XIRP2: variants seen among roughly 807,000 people sequenced by gnomAD.
XIRP2 encodes the protein xin actin-binding repeat-containing protein 2.
Under a neutral mutation model 277.0 loss-of-function variants are expected in XIRP2, and 236 were observed. The observed-to-expected ratio is 0.85, with a 90% confidence interval of 0.77 to 0.95. The LOEUF is 0.95. Ranked by LOEUF, XIRP2 falls within the 40% of genes least tolerant of loss-of-function variation. The pLI is 0.00. For synonymous variants in XIRP2, 1,490 were observed against 1,416.5 expected (o/e 1.05, Z -1.17); for missense variants, 4,640 against 4,157.5 (o/e 1.12, Z -3.19).
intron 5 of XIRP2, among the ~76,000 whole-genome samples, chr2:167,225,615 T>C (rs1694574184): frequency 6.6e-6 from 1 of 152,128 alleles, no homozygotes; most frequent in African/African-American, 2.4e-5. Flanking sequence ...GGCCAGCAAA[T>C]ACTCATGAAC....
At chr2:166,996,889 G>A (rs565754645) in intron 2 of XIRP2, among the ~76,000 whole-genome samples, 1 of 152,050 alleles carries the variant, frequency 6.6e-6, no homozygotes. Flanking sequence ...AACCTAACCT[G>A]CTCTCATTCC....
chr2:167,254,213 C>G, intron 10 of XIRP2, 48 bp downstream of exon 10: 1 of 1,574,648 alleles, frequency 6.4e-7, no homozygotes, highest in Non-Finnish European at 8.6e-7. Context: ...GAGCTGCACT[C>G]TATGTATAGC....
chr2:167,022,936 G>A (rs1688027252), intron 2 of XIRP2, among the ~76,000 whole-genome samples: 1 of 152,086 alleles, frequency 6.6e-6, no homozygotes, highest in African/African-American at 2.4e-5. Flanking sequence ...TGTCTTTATA[G>A]CAGCATGATT....
rs199864325 is a variant in XIRP2, at chr2:167,248,939, C to A, written c.7547C>A (p.Ala2516Glu). 1.9e-6 allele frequency: 3 copies of A among 1,613,686 alleles called. No individual in the cohort carries two copies. Among genetic ancestry groups the A allele is most frequent in the Admixed American group, 1.7e-5 (1 of 59,966 alleles). Residue 2516 changes from alanine to glutamate, a missense_variant, in exon 9 of 11, where the codon GCG (alanine) becomes GAG (glutamate). Physicochemically the swap from Ala to Glu is moderately radical, Grantham distance 107 (BLOSUM62 -1). Coordinates refer to ENST00000409195, the MANE Select transcript of XIRP2 (RefSeq NM_152381.6). ...GTSAPRKKQI[A>E]PLIKSHSFPE... ...TCAGCACCCAGGAAAAAACAGATTG[C>A]GCCTCTTATAAAATCTCATTCATTT...
chr2:167,174,403 G>C (rs1336274842), intron 3 of XIRP2, among the ~76,000 whole-genome samples: 4 of 152,184 alleles, frequency 2.6e-5, no homozygotes, highest in African/African-American at 9.7e-5. Context: ...GATTTGCTGA[G>C]AGATGTTTAT....
intron 1 of XIRP2, among the ~76,000 whole-genome samples, chr2:166,892,875 T>C (rs145570722): frequency 1.1e-4 from 17 of 148,650 alleles, no homozygotes; most frequent in African/African-American, 3.7e-4. Flanking sequence ...TATGTATGTG[T>C]GTATATATGT....
intron 3 of XIRP2, among the ~76,000 whole-genome samples, chr2:167,189,830 C>T (rs1035504655): frequency 1.3e-5 from 2 of 152,126 alleles, no homozygotes; most frequent in African/African-American, 2.4e-5. Flanking sequence ...GTCCAGGACT[C>T]GGCAAAGACT....
At chr2:166,966,719 A>G (rs1423769972) in intron 2 of XIRP2, among the ~76,000 whole-genome samples, 1 of 152,110 alleles carries the variant, frequency 6.6e-6, no homozygotes, top group East Asian at 1.9e-4. Flanking sequence ...TGGACCTTTG[A>G]ATCATGACAT....
chr2:167,253,278 A>G (rs1695567125), intron 9 of XIRP2, among the ~76,000 whole-genome samples: 1 of 151,950 alleles, frequency 6.6e-6, no homozygotes, highest in Non-Finnish European at 1.5e-5. Flanking sequence ...CATAGAGGCT[A>G]ACATTTACAG....
rs764163840 is a variant in XIRP2 at position 167,258,844 on chromosome 2, A to G, written c.*1027A>G. 4 of 1,613,136 alleles carry G rather than the reference A, an allele frequency of 2.5e-6. No homozygotes were observed. Among genetic ancestry groups the G allele is most frequent in the Non-Finnish European group, 3.4e-6 (4 of 1,179,560 alleles). The stretch of plus-strand genomic sequence containing the variant: ...TCTCAGAGTTACTTGGTATATTTGA[A>G]TCTGAAAAGACTTATTCGAGGAATG... On this transcript the variant is annotated 3_prime_UTR_variant, in exon 11 of 11. Transcript: ENST00000409195.
intron 2 of XIRP2, among the ~76,000 whole-genome samples, chr2:166,964,549 G>T (rs1480584430): frequency 6.6e-6 from 1 of 151,768 alleles, no homozygotes; most frequent in East Asian, 1.9e-4. Flanking sequence ...CTACCAAAAT[G>T]CATTGACAAG....
At chr2:166,929,189 T>G (rs1685264956) in intron 2 of XIRP2, among the ~76,000 whole-genome samples, 1 of 151,862 alleles carries the variant, frequency 6.6e-6, no homozygotes, top group Admixed American at 6.6e-5. Flanking sequence ...GCCCTCCAGA[T>G]GATTCTAATG....
At chr2:166,999,337 C>T (rs1286668129) in intron 2 of XIRP2, among the ~76,000 whole-genome samples, 2 of 151,978 alleles carry the variant, frequency 1.3e-5, no homozygotes, top group East Asian at 3.9e-4. Context: ...GTTTATTTCT[C>T]TCTGTTGCTT....
At chr2:167,210,200 A>T (rs1000305336) in intron 3 of XIRP2, among the ~76,000 whole-genome samples, 2 of 152,164 alleles carry the variant, frequency 1.3e-5, no homozygotes, top group Non-Finnish European at 2.9e-5. Flanking sequence ...ATATCTCCTT[A>T]AAGGTTGAGG....
intron 2 of XIRP2, among the ~76,000 whole-genome samples, chr2:167,016,513 A>T (rs919753125): frequency 6.6e-6 from 1 of 151,970 alleles, no homozygotes; most frequent in Admixed American, 6.6e-5. Flanking sequence ...GCATCTCTTT[A>T]CAATTCATGA....
intron 2 of XIRP2, among the ~76,000 whole-genome samples, chr2:167,034,532 T>G (rs1176032922): frequency 6.7e-6 from 1 of 150,232 alleles, no homozygotes; most frequent in Non-Finnish European, 1.5e-5. Flanking sequence ...CAGTGATTTG[T>G]TGCCTTCAAG....
intron 2 of XIRP2, among the ~76,000 whole-genome samples, chr2:166,915,308 A>G (rs960625714): frequency 6.6e-6 from 1 of 151,024 alleles, no homozygotes; most frequent in Non-Finnish European, 1.5e-5. Context: ...TCAAAAAAAA[A>G]AAAAAAAAAA....
chr2:167,131,111 G>T (rs1691360987), intron 2 of XIRP2, among the ~76,000 whole-genome samples: 1 of 151,970 alleles, frequency 6.6e-6, no homozygotes, highest in South Asian at 2.1e-4. Flanking sequence ...CTTCTGCCTG[G>T]GTTCTTATCT....
At chr2:166,981,794 G>C (rs1465746050) in intron 2 of XIRP2, among the ~76,000 whole-genome samples, 2 of 152,182 alleles carry the variant, frequency 1.3e-5, no homozygotes, top group Non-Finnish European at 2.9e-5. Flanking sequence ...CATATACGAA[G>C]ACCCTATTTC....
Sources: allele counts gnomAD v4.1 joint callset (sites outside exome capture counted in the v4.1 genomes callset), GRCh38; gene constraint gnomAD v4.1.1; transcripts MANE v1.5; gene names NCBI Gene and HGNC (gene_info 2026-07-23, HGNC 2026-07-21).